NCOR2: variants seen among roughly 807,000 people sequenced by gnomAD.
NCOR2 encodes CTG repeat protein 26.
Under a neutral mutation model 262.9 loss-of-function variants are expected in NCOR2, and 81 were observed. That is an observed-to-expected ratio of 0.31 (90% CI 0.26 to 0.37). The LOEUF (loss-of-function observed/expected upper bound fraction) is 0.37. Among genes scored for constraint, NCOR2 ranks in the 10% least tolerant of loss-of-function variants. The pLI is 1.00. For synonymous variants in NCOR2, 1,659 were observed against 1,559.3 expected, an observed-to-expected ratio of 1.06 and a Z score of -1.51; for missense variants, 3,385 against 3,621.4, an observed-to-expected ratio of 0.93 and a Z score of 1.68.
At chr12:124,344,128 C>T (rs749629204) in intron 32 of NCOR2, among the ~76,000 whole-genome samples, 5 of 152,082 alleles carry the variant, frequency 3.3e-5, no homozygotes, top group African/African-American at 4.8e-5. Context: ...CTGAATTGAC[C>T]GAGCTAAGCA....
exon 43 of NCOR2, chr12:124,332,414 C>G (rs1216638120): frequency 6.2e-7 from 1 of 1,614,128 alleles, no homozygotes. Flanking sequence ...GGTCAGCTTG[C>G]TGAAGAAGGC....
At chr12:124,390,084 G>A (rs553540432) in intron 16 of NCOR2, among the ~76,000 whole-genome samples, 6 of 152,152 alleles carry the variant, frequency 3.9e-5, no homozygotes, top group Non-Finnish European at 8.8e-5. Flanking sequence ...CCTGGGGCAC[G>A]ATGCCAGGGG....
At chr12:124,462,371 C>T (rs532500787) in intron 5 of NCOR2, among the ~76,000 whole-genome samples, 3 of 152,238 alleles carry the variant, frequency 2.0e-5, no homozygotes, top group Non-Finnish European at 4.4e-5. Flanking sequence ...CAGTCCTGCA[C>T]CCAAGCCCCT....
chr12:124,489,060 A>AG (rs1369584931), intron 1 of NCOR2, among the ~76,000 whole-genome samples: 5 of 151,968 alleles, frequency 3.3e-5, no homozygotes, highest in African/African-American at 1.2e-4. Flanking sequence ...GCAGGTCACC[A>AG]GGGTTGAGCC....
intron 8 of NCOR2, among the ~76,000 whole-genome samples, chr12:124,436,858 C>T (rs568014475): frequency 2.0e-5 from 3 of 152,264 alleles, no homozygotes; most frequent in South Asian, 2.1e-4. Flanking sequence ...GAGGCCGAGG[C>T]GGGTGCATCA....
intron 27 of NCOR2, 21 bp from the exon 30 acceptor site, chr12:124,350,758 G>A: frequency 6.2e-7 from 1 of 1,601,774 alleles, no homozygotes; most frequent in South Asian, 1.1e-5. Context: ...AGAGGGGTGA[G>A]CGCCCAGGAG....
intron 10 of NCOR2, 168 bp downstream of exon 12, chr12:124,429,445 C>A: frequency 1.5e-6 from 1 of 675,390 alleles, no homozygotes; most frequent in South Asian, 1.8e-5. Flanking sequence ...CTCGCCCCTG[C>A]AGGCCTGGGA....
intron 8 of NCOR2, among the ~76,000 whole-genome samples, chr12:124,435,319 A>G (rs1325527633): frequency 6.6e-6 from 1 of 152,240 alleles, no homozygotes; most frequent in African/African-American, 2.4e-5. Context: ...TTAACTTGAT[A>G]AACAGATTGG....
rs12296130 is a variant in NCOR2 at position 124,527,578 on chromosome 12, C to T, written c.-118+7987G>A. On this transcript the variant is annotated intron_variant, in intron 1 of 46. Transcript: ENST00000404621. ...GATTACAGGCGCCCGCCACCACGCC[C>T]GGCTAATTCTTCTGTTTTTATTAGA... 8.6e-3 allele frequency among the ~76,000 whole-genome samples: 1,308 copies of T among 152,146 alleles called. 23 individuals carry two copies. The highest frequency in any genetic ancestry group is 0.029 in the African/African-American group (1,223 of 41,512).
intron 6 of NCOR2, among the ~76,000 whole-genome samples, chr12:124,453,287 A>G (rs57165787): frequency 0.019 from 2,841 of 151,784 alleles, 85 homozygotes; most frequent in African/African-American, 0.065. Flanking sequence ...CCTGTCCCTC[A>G]CCCCCAGGCC....
At chr12:124,460,165 T>C (rs368415004) in intron 5 of NCOR2, among the ~76,000 whole-genome samples, 23 of 152,314 alleles carry the variant, frequency 1.5e-4, no homozygotes, top group Admixed American at 3.9e-4. Context: ...CCACCTCCCC[T>C]GATGAGGACT....
At chr12:124,374,442 T>G in exon 19 of NCOR2, 9 of 1,612,758 alleles carry the variant, frequency 5.6e-6, no homozygotes, top group Non-Finnish European at 7.6e-6. Context: ...TCTGGGCACC[T>G]CATTCCCAGA....
chr12:124,397,454 G>C (rs999668556), intron 16 of NCOR2, among the ~76,000 whole-genome samples: 1 of 152,144 alleles, frequency 6.6e-6, no homozygotes, highest in African/African-American at 2.4e-5. Context: ...CTGGACCCCA[G>C]CCCCCACGGT....
In NCOR2 at chr12:124,385,738, G is replaced by A. The variant is rs919166430; in HGVS notation, c.2019+7C>T. The A allele has an allele frequency of 3.1e-6, 5 of 1,613,138 alleles. No individual in the cohort carries two copies. The highest frequency in any genetic ancestry group is 4.2e-6 in the Non-Finnish European group (5 of 1,179,784). ...AGAGGCGCGGTGCAGCGTGACTGGG[G>A]GCTCACCATCTTCAGCTTGTGCTGC... is the stretch of plus-strand genomic sequence containing the variant. On this transcript the variant is annotated splice_region_variant and intron_variant, in intron 17 of 46. Coordinates refer to ENST00000405201, the Ensembl canonical transcript of NCOR2.
chr12:124,507,103 G>A (rs1436818633), intron 1 of NCOR2, among the ~76,000 whole-genome samples: 1 of 152,208 alleles, frequency 6.6e-6, no homozygotes, highest in Non-Finnish European at 1.5e-5. Flanking sequence ...GCCACAAAAG[G>A]ACAAACACTG....
chr12:124,374,569 G>C, intron 18 of NCOR2, 106 bp from the exon 21 acceptor site: 2 of 1,049,598 alleles, frequency 1.9e-6, no homozygotes, highest in Non-Finnish European at 2.9e-6. Context: ...GTGCACAGCA[G>C]TGAGGCCTCG....
chr12:124,433,877 C>CACACACACAA (rs2044155922), intron 8 of NCOR2, among the ~76,000 whole-genome samples: 1 of 119,296 alleles, frequency 8.4e-6, no homozygotes, highest in African/African-American at 4.1e-5. Flanking sequence ...CACACACACA[C>CACACACACAA]ACACACACAC....
At chr12:124,355,090 C>G in intron 24 of NCOR2, 151 bp from the exon 27 acceptor site, 1 of 679,992 alleles carries the variant, frequency 1.5e-6, no homozygotes. Flanking sequence ...CACTGCTACT[C>G]CCAAGCCTCG....
At chr12:124,343,030 T>C in exon 33 of NCOR2, 1 of 1,610,432 alleles carries the variant, frequency 6.2e-7, no homozygotes, top group African/African-American at 1.3e-5. Context: ...TGCCGCGGGG[T>C]ATGGAGGTGG....
Sources: gnomAD v4.1 joint callset for allele counts (sites outside exome capture counted in the v4.1 genomes callset) on GRCh38, gnomAD v4.1.1 for gene constraint, MANE v1.5 for transcripts, NCBI Gene and HGNC (gene_info 2026-07-23, HGNC 2026-07-21) for gene names.